Variants in PHC3 observed in about 807,000 individuals in gnomAD.
PHC3 encodes polyhomeotic homolog 3.
In PHC3, 13 loss-of-function variants were observed where a neutral mutation model predicts 107.4. That is an observed-to-expected ratio of 0.12 (90% confidence interval 0.08 to 0.19). The LOEUF (loss-of-function observed/expected upper bound fraction) is 0.19. Ranked by LOEUF, PHC3 falls within the 10% of genes least tolerant of loss-of-function variation. The pLI is 1.00. For missense variants in PHC3, 992 were observed against 1,210.9 expected (o/e 0.82, Z 2.68); for synonymous variants, 456 against 427.4 (o/e 1.07, Z -0.83).
chr3:170,147,351 T>C (rs975120189), intron 5 of PHC3: 6 of 149,576 alleles, frequency 4.0e-5, no homozygotes, highest in East Asian at 2.0e-4. Context: ...CCAAAAAAAT[T>C]AGAAAATTAA....
chr3:170,169,373 T>C (rs1320218368), intron 4 of PHC3, among the ~76,000 whole-genome samples: 1 of 152,200 alleles, frequency 6.6e-6, no homozygotes, highest in Non-Finnish European at 1.5e-5. Context: ...TTATCATCAC[T>C]ACTTAAGAGA....
chr3:170,120,472 C>A (rs1366567073), intron 9 of PHC3, among the ~76,000 whole-genome samples: 1 of 151,898 alleles, frequency 6.6e-6, no homozygotes, highest in Non-Finnish European at 1.5e-5. Flanking sequence ...ACTCAGGATA[C>A]TGAAGCAGGA....
intron 9 of PHC3, among the ~76,000 whole-genome samples, chr3:170,119,560 T>G (rs533964679): frequency 3.9e-5 from 6 of 152,276 alleles, no homozygotes; most frequent in Non-Finnish European, 7.4e-5. Context: ...GAAACACTCA[T>G]GTATTACAAT....
chr3:170,149,817 T>C (rs1325001014), intron 4 of PHC3: 3 of 152,202 alleles, frequency 2.0e-5, no homozygotes, highest in Non-Finnish European at 4.4e-5. Context: ...AAAATATCAT[T>C]TCCACTACCT....
At chr3:170,161,953 T>A (rs1301071792) in intron 4 of PHC3, among the ~76,000 whole-genome samples, 1 of 152,218 alleles carries the variant, frequency 6.6e-6, no homozygotes, top group Admixed American at 6.5e-5. Context: ...CATATGAATA[T>A]GGGGGACATA....
rs1186295494 is a variant in PHC3 at position 170,122,598 on chromosome 3, A to T, written c.1935T>A (p.Pro645=). Residue 645 remains proline, a synonymous_variant, in exon 9 of 15, where the codon CCT becomes CCA. Transcript: ENST00000495893. The part of the protein sequence containing the change: ...GRGEDLTSEH[P]LLEQVELPAV... ...ATTTTGGTATTTTCTCACCTAACAA[A>T]GGATGTTCAGAAGTCAAATCTTCTC... 6.8e-6 allele frequency: 11 copies of T among 1,613,836 alleles called. No homozygotes were observed.
chr3:170,088,095 G>A lies in PHC3; in HGVS notation c.*9135C>T, dbSNP rs999487384. ...CTAAAAACTATTTCATTTCTTGTAAGGAGGACTCTAATACAATATCCAATG... is the reference window on the plus strand; with the variant it reads ...CTAAAAACTATTTCATTTCTTGTAAAGAGGACTCTAATACAATATCCAATG... On this transcript the variant is annotated 3_prime_UTR_variant, in exon 15 of 15. Transcript: ENST00000495893. 2 of 152,090 alleles carry A rather than the reference G, an allele frequency of 1.3e-5. No homozygotes were observed. Among genetic ancestry groups the A allele is most frequent in the African/African-American group, 4.8e-5 (2 of 41,418 alleles). 9.4% of individuals were successfully genotyped at this position (152,090 alleles called of 1,614,324 possible).
intron 4 of PHC3, among the ~76,000 whole-genome samples, chr3:170,161,687 A>G (rs934473828): frequency 7.9e-5 from 12 of 152,152 alleles, no homozygotes; most frequent in African/African-American, 2.9e-4. Flanking sequence ...AAACAACAGA[A>G]ATTTATTTTG....
chr3:170,137,595 T>C (rs1577115284), intron 6 of PHC3, among the ~76,000 whole-genome samples: 1 of 152,212 alleles, frequency 6.6e-6, no homozygotes, highest in African/African-American at 2.4e-5. Context: ...TTCAGTTTCA[T>C]GTGTGTTCCG....
At chr3:170,102,120 G>A in intron 14 of PHC3, 1 of 975,994 alleles carries the variant, frequency 1.0e-6, no homozygotes, top group South Asian at 4.7e-5. Flanking sequence ...AGGAGGAATA[G>A]AATAGAAAAA....
chr3:170,123,264 G>A (rs969008669), intron 8 of PHC3, among the ~76,000 whole-genome samples: 11 of 151,524 alleles, frequency 7.3e-5, no homozygotes, highest in Middle Eastern at 3.4e-3. Flanking sequence ...AAAAAGATAC[G>A]CAATTATATC....
intron 9 of PHC3, among the ~76,000 whole-genome samples, chr3:170,121,863 T>A (rs924392090): frequency 1.3e-5 from 2 of 152,240 alleles, no homozygotes; most frequent in African/African-American, 4.8e-5. Flanking sequence ...ATGAAACATG[T>A]CTGCACAAAT....
chr3:170,131,521 A>C (rs1560069580), intron 7 of PHC3, among the ~76,000 whole-genome samples: 2 of 152,196 alleles, frequency 1.3e-5, no homozygotes, highest in South Asian at 4.1e-4. Flanking sequence ...ATACTGTTGA[A>C]GTACCAGTAT....
Position 170,102,603 on chromosome 3 carries a change from T to G in PHC3, c.2709A>C (p.Glu903Asp). 1 of 1,613,988 alleles carries G rather than the reference T, an allele frequency of 6.2e-7. No homozygotes were observed. Among genetic ancestry groups the G allele is most frequent in the Non-Finnish European group, 8.5e-7 (1 of 1,179,864 alleles). Reference sequence around the variant, plus strand: ...GAATTCTCACATCCCGAAGCTCACGTTCTCTTTCCCGCTCGCTCTGCCTGC... The same window carrying G: ...GAATTCTCACATCCCGAAGCTCACGGTCTCTTTCCCGCTCGCTCTGCCTGC... ...RLRRQSERER[E>D]RELRDVRIRK... The change falls in exon 14 of 15, where the codon GAA (glutamate) becomes GAC (aspartate). Residue 903 changes from glutamate (E) to aspartate (D), a missense_variant. Around this residue, in one of 6 missense-constraint regions of PHC3, gnomAD observed 228 missense variants for 288.8 expected, o/e 0.79. Coordinates refer to ENST00000495893, the MANE Select transcript of PHC3 (RefSeq NM_024947.4).
At chr3:170,128,515 C>T in intron 8 of PHC3, 169 bp downstream of exon 8, 1 of 1,074,496 alleles carries the variant, frequency 9.3e-7, no homozygotes, top group Non-Finnish European at 1.3e-6. Context: ...CAAACAATGG[C>T]ATTTTTTTTT....
At chr3:170,172,855 C>T in intron 2 of PHC3, 143 bp from the exon 3 acceptor site, 1 of 933,080 alleles carries the variant, frequency 1.1e-6, no homozygotes, top group Non-Finnish European at 1.6e-6. Context: ...TTATTTCTTT[C>T]CTAGTTACAT....
Position 170,145,481 on chromosome 3 carries a change from G to C in PHC3, c.614C>G (p.Ser205Cys), listed in dbSNP as rs1405195435. Residue 205 changes from serine (S) to cysteine (C), a missense_variant, in exon 6 of 15, where the codon TCT becomes TGT. Ser to Cys is a moderately radical substitution (Grantham distance 112, BLOSUM62 -1). Coordinates refer to ENST00000495893, the MANE Select transcript of PHC3 (RefSeq NM_024947.4). Reference sequence around the variant, plus strand: ...TGACGACGAGACAACAGGAATGTCAGACTGTACAGCAGCCACAGTGGTAGC... The same window carrying C: ...TGACGACGAGACAACAGGAATGTCACACTGTACAGCAGCCACAGTGGTAGC... ...TPATTVAAVQSDIPVVSSSSS... is the reference protein window; with the variant it reads ...TPATTVAAVQCDIPVVSSSSS... The C allele has an allele frequency of 6.2e-7, 1 of 1,613,376 alleles. No individual in the cohort carries two copies. Among genetic ancestry groups the C allele is most frequent in the Non-Finnish European group, 8.5e-7 (1 of 1,179,568 alleles).
Position 170,122,699 on chromosome 3 carries a change from A to G in PHC3, c.1834T>C (p.Ser612Pro). Residue 612 changes from serine to proline, a missense_variant, in exon 9 of 15, where the codon TCA (serine) becomes CCA (proline). Transcript: ENST00000495893. ...CTATCCATCCGGACACATTCATCTG[A>G]CTCTTCTGGCATTTCTTCTTCACAC... ...DVCEEEMPEE[S>P]DECVRMDRTP... 6.2e-7 allele frequency: 1 copy of G among 1,613,794 alleles called. No homozygotes were observed. The highest frequency in any genetic ancestry group is 1.3e-5 in the African/African-American group (1 of 74,962).
intron 12 of PHC3, among the ~76,000 whole-genome samples, chr3:170,105,296 A>G (rs1716274836): frequency 6.6e-6 from 1 of 152,238 alleles, no homozygotes. Flanking sequence ...CATGAGTTAC[A>G]TAATTTGATT....
Sources: allele counts gnomAD v4.1 joint callset (sites outside exome capture counted in the v4.1 genomes callset), GRCh38; gene constraint gnomAD v4.1.1; regional missense constraint gnomAD v4.1.1; transcripts MANE v1.5; gene names NCBI Gene and HGNC (gene_info 2026-07-23, HGNC 2026-07-21).